The following GPC1 variants were observed in gnomAD, a reference collection of about 807,000 sequenced individuals.
The protein encoded by GPC1 is glypican 1.
A neutral mutation model predicts 51.5 loss-of-function variants in GPC1; 26 were observed. That is an observed-to-expected ratio of 0.50 (90% CI 0.37 to 0.70). The LOEUF is 0.70. Among genes scored for constraint, GPC1 ranks in the 30% least tolerant of loss-of-function variants. The pLI is 0.00. For synonymous variants in GPC1, 380 were observed against 348.3 expected (o/e 1.09, Z -1.01); for missense variants, 775 against 800.5 (o/e 0.97, Z 0.38).
In GPC1 at chr2:240,459,937, G is replaced by T. The variant is rs193145485; in HGVS notation, c.325+749G>T. On this transcript the variant is annotated intron_variant, in intron 2 of 8. Transcript: ENST00000264039. ...TGAGGTACTGCCCCTGTGTCCGGGC[G>T]GAGCCAGGGCGCCGGGACAGTGAGC... Among the ~76,000 whole-genome samples, 193 of 152,252 alleles carry T rather than the reference G, an allele frequency of 1.3e-3. 1 individual carries two copies. Among genetic ancestry groups the T allele is most frequent in the Middle Eastern group, 6.8e-3 (2 of 294 alleles).
intron 1 of GPC1, chr2:240,458,497 T>C: frequency 5.5e-6 from 1 of 180,940 alleles, no homozygotes; most frequent in South Asian, 1.3e-4. Flanking sequence ...CCTGCCCCCA[T>C]ACCAGACTCG....
At chr2:240,449,860 C>T (rs1171840250) in intron 1 of GPC1, 17 of 470,596 alleles carry the variant, frequency 3.6e-5, no homozygotes, top group Admixed American at 1.4e-4. Flanking sequence ...GGTTCCTCCA[C>T]GCCGGAGCAT....
intron 4 of GPC1, chr2:240,464,349 C>A: frequency 2.1e-6 from 1 of 478,906 alleles, no homozygotes; most frequent in Non-Finnish European, 3.8e-6. Flanking sequence ...ACACGGCAGG[C>A]CAGCAAGCAT....
At chr2:240,462,889 G>A (rs1423297961) in intron 3 of GPC1, among the ~76,000 whole-genome samples, 1 of 152,166 alleles carries the variant, frequency 6.6e-6, no homozygotes, top group Non-Finnish European at 1.5e-5. Context: ...GCTGTGGAGT[G>A]AAAGTGCAGA....
At chr2:240,449,949 T>C in intron 1 of GPC1, 1 of 468,508 alleles carries the variant, frequency 2.1e-6, no homozygotes. Context: ...AAACAATCTA[T>C]TCGACTGTGG....
At chr2:240,461,963 G>A (rs983150310) in intron 2 of GPC1, among the ~76,000 whole-genome samples, 10 of 152,064 alleles carry the variant, frequency 6.6e-5, no homozygotes, top group African/African-American at 1.2e-4. Context: ...CCTGAGACCC[G>A]AGAGGACCCC....
Position 240,459,120 on chromosome 2 carries a change from A to G in GPC1, c.257A>G (p.Glu86Gly). The G allele has an allele frequency of 6.2e-7, 1 of 1,612,780 alleles. No homozygotes were observed. Among genetic ancestry groups the G allele is most frequent in the Non-Finnish European group, 8.5e-7 (1 of 1,179,900 alleles). The change falls in exon 2 of 9, where the codon GAG becomes GGG. Residue 86 changes from glutamate (E) to glycine (G), a missense_variant. Coordinates refer to ENST00000264039, the MANE Select transcript of GPC1 (RefSeq NM_002081.3). ...NLANRSHAEL[E>G]TALRDSSRVL... Reference sequence around the variant, plus strand: ...GCCAACCGCAGCCATGCCGAGCTGGAGACCGCGCTCCGGGACAGCAGCCGC... The same window carrying G: ...GCCAACCGCAGCCATGCCGAGCTGGGGACCGCGCTCCGGGACAGCAGCCGC...
chr2:240,451,504 G>A, intron 1 of GPC1: 1 of 331,480 alleles, frequency 3.0e-6, no homozygotes, highest in South Asian at 2.3e-5. Context: ...GCAGGGTTGG[G>A]CATAGAGATG....
chr2:240,451,569 T>C (rs1375280458), intron 1 of GPC1: 3 of 274,680 alleles, frequency 1.1e-5, no homozygotes, highest in South Asian at 3.2e-5. Flanking sequence ...GAGCCAGGCC[T>C]GGGGGCACGG....
At chr2:240,442,994 C>A (rs1349267081) in intron 1 of GPC1, among the ~76,000 whole-genome samples, 1 of 152,258 alleles carries the variant, frequency 6.6e-6, no homozygotes, top group African/African-American at 2.4e-5. Context: ...AGCGTCAGGC[C>A]CTGCACAGCT....
intron 3 of GPC1, 78 bp downstream of exon 3, chr2:240,462,660 A>G (rs2151796466): frequency 1.5e-6 from 2 of 1,337,446 alleles, no homozygotes; most frequent in Non-Finnish European, 2.0e-6. Context: ...TCTTCCCCCT[A>G]CTTTAACCCT....
chr2:240,437,643 T>A (rs1006450265), intron 1 of GPC1, among the ~76,000 whole-genome samples: 1 of 152,184 alleles, frequency 6.6e-6, no homozygotes, highest in African/African-American at 2.4e-5. Context: ...GTTCGTTCTC[T>A]GCCCCTCTAC....
At chr2:240,440,474 C>T (rs1365369678) in intron 1 of GPC1, among the ~76,000 whole-genome samples, 1 of 152,210 alleles carries the variant, frequency 6.6e-6, no homozygotes, top group African/African-American at 2.4e-5. Context: ...TTTCCCAGCC[C>T]GCTCTCCTGT....
Position 240,465,557 on chromosome 2 carries a change from G to C in GPC1, c.1353G>C (p.Met451Ile). 6.2e-7 allele frequency: 1 copy of C among 1,613,132 alleles called. No homozygotes were observed. Among genetic ancestry groups the C allele is most frequent in the Non-Finnish European group, 8.5e-7 (1 of 1,179,962 alleles). ...AGGTGGACATCACCAAGCCGGACAT[G>C]ACCATCCGGCAGCAGATCATGCAGC... ...EVEVDITKPD[M>I]TIRQQIMQLK... The change falls in exon 8 of 9, where the codon ATG becomes ATC. Residue 451 changes from methionine to isoleucine, a missense_variant. By Grantham distance (10) the Met-to-Ile change is conservative (BLOSUM62 1). Transcript: ENST00000264039.
chr2:240,441,618 C>T (rs1188977295), intron 1 of GPC1, among the ~76,000 whole-genome samples: 1 of 152,224 alleles, frequency 6.6e-6, no homozygotes, highest in Non-Finnish European at 1.5e-5. Flanking sequence ...GGATCTTGCC[C>T]ACTTTACGTG....
intron 1 of GPC1, among the ~76,000 whole-genome samples, chr2:240,447,262 C>T (rs1044889902): frequency 6.6e-6 from 1 of 152,174 alleles, no homozygotes; most frequent in East Asian, 1.9e-4. Flanking sequence ...AAGCAGAGAT[C>T]CCTCGAGCTA....
chr2:240,463,655 G>A (rs2074236254), intron 4 of GPC1, 143 bp downstream of exon 4: 2 of 668,092 alleles, frequency 3.0e-6, no homozygotes, highest in South Asian at 1.9e-5. Flanking sequence ...GATCTGGGTG[G>A]TGCTGCAGGG....
intron 1 of GPC1, chr2:240,450,482 G>T (rs1385582613): frequency 2.4e-6 from 1 of 421,614 alleles, no homozygotes; most frequent in Non-Finnish European, 5.0e-6. Context: ...CTATGTGTCA[G>T]CTATGTCAGC....
At chr2:240,438,129 C>T (rs1401580477) in intron 1 of GPC1, among the ~76,000 whole-genome samples, 2 of 152,348 alleles carry the variant, frequency 1.3e-5, no homozygotes, top group Admixed American at 6.5e-5. Context: ...CGGTGCCAGC[C>T]ATGGGCCAGT....
Sources: gnomAD v4.1 joint callset for allele counts (sites outside exome capture counted in the v4.1 genomes callset) on GRCh38, gnomAD v4.1.1 for gene constraint, MANE v1.5 for transcripts, NCBI Gene and HGNC (gene_info 2026-07-23, HGNC 2026-07-21) for gene names.